The following AKT3 variants were observed in gnomAD, a reference collection of about 807,000 sequenced individuals.
AKT3 encodes the protein RAC-gamma serine/threonine-protein kinase.
In AKT3, 15 loss-of-function variants were observed where a neutral mutation model predicts 65.3. The ratio of observed to expected loss-of-function variants is 0.23; its 90% CI spans 0.15 to 0.35. AKT3 has a LOEUF of 0.35. Among genes scored for constraint, AKT3 ranks in the 10% least tolerant of loss-of-function variants. The pLI, the probability that AKT3 is intolerant of heterozygous loss-of-function variation, is 1.00. For missense variants in AKT3, 243 were observed against 576.5 expected (o/e 0.42, Z 5.92); for synonymous variants, 206 against 183.8 (o/e 1.12, Z -0.98).
At chr1:243,602,641 A>G (rs1206356447) in intron 8 of AKT3, among the ~76,000 whole-genome samples, 1 of 152,194 alleles carries the variant, frequency 6.6e-6, no homozygotes, top group African/African-American at 2.4e-5. Context: ...AAATCTGAAT[A>G]AGCATGAGAA....
intron 13 of AKT3, among the ~76,000 whole-genome samples, chr1:243,510,578 G>A (rs1264862915): frequency 2.6e-5 from 4 of 152,224 alleles, no homozygotes; most frequent in Non-Finnish European, 4.4e-5. Context: ...TAAGATCAGG[G>A]AAGAAGAGCA....
At chr1:243,771,888 A>G (rs1022508009) in intron 2 of AKT3, among the ~76,000 whole-genome samples, 16 of 152,316 alleles carry the variant, frequency 1.1e-4, no homozygotes, top group East Asian at 1.9e-4. Context: ...AATACCACAC[A>G]TCTACAACCA....
intron 2 of AKT3, among the ~76,000 whole-genome samples, chr1:243,832,697 G>A (rs1242677943): frequency 6.6e-6 from 1 of 152,142 alleles, no homozygotes; most frequent in Non-Finnish European, 1.5e-5. Flanking sequence ...CTAGAACTCA[G>A]AAAGTCTTAC....
intron 8 of AKT3, among the ~76,000 whole-genome samples, chr1:243,606,663 A>C (rs1350049501): frequency 6.6e-6 from 1 of 152,262 alleles, no homozygotes; most frequent in Non-Finnish European, 1.5e-5. Flanking sequence ...CCACTGCAAA[A>C]GTTGGCATAA....
At chr1:243,786,201 A>C (rs1469172929) in intron 2 of AKT3, among the ~76,000 whole-genome samples, 4 of 152,228 alleles carry the variant, frequency 2.6e-5, no homozygotes, top group Non-Finnish European at 5.9e-5. Context: ...CTGATCAAAA[A>C]GAGGTATTCA....
intron 12 of AKT3, among the ~76,000 whole-genome samples, chr1:243,528,284 T>A (rs1671292174): frequency 6.6e-6 from 1 of 152,236 alleles, no homozygotes; most frequent in South Asian, 2.1e-4. Context: ...ACATGCTCCC[T>A]TTAGCTACTG....
intron 2 of AKT3, among the ~76,000 whole-genome samples, chr1:243,810,107 TAAA>T (rs572827867): frequency 3.3e-5 from 5 of 151,688 alleles, no homozygotes; most frequent in Non-Finnish European, 7.4e-5. Flanking sequence ...ACATCACAAT[TAAA>T]AGAACTAGAG....
intron 3 of AKT3, among the ~76,000 whole-genome samples, chr1:243,692,276 C>T (rs534121704): frequency 1.3e-5 from 2 of 152,222 alleles, no homozygotes; most frequent in East Asian, 3.9e-4. Flanking sequence ...ATGAGAGATG[C>T]CCATACTATA....
chr1:243,562,341 G>A (rs568597073), intron 10 of AKT3, among the ~76,000 whole-genome samples: 2 of 152,244 alleles, frequency 1.3e-5, no homozygotes, highest in South Asian at 2.1e-4. Flanking sequence ...AGGAGCTAAC[G>A]GGTATGGGGT....
Position 243,503,151 on chromosome 1 carries a change from C to T in AKT3, c.*2098G>A. 1 of 233,436 alleles carries T rather than the reference C, an allele frequency of 4.3e-6. No individual in the cohort carries two copies. Among genetic ancestry groups the T allele is most frequent in the African/African-American group, 2.2e-5 (1 of 45,412 alleles). The allele number at this position is 233,436 out of a possible 1,614,324, so 14.5% of individuals were successfully genotyped here. On this transcript the variant is annotated 3_prime_UTR_variant, in exon 14 of 14. Transcript: ENST00000673466. ...GTAAGTAAGAATGAACTACCATTTACTGTAACTTCCTACTCAATACTAAGG... is the reference window on the plus strand; with the variant it reads ...GTAAGTAAGAATGAACTACCATTTATTGTAACTTCCTACTCAATACTAAGG...
At chr1:243,811,247 G>C (rs1489907016) in intron 2 of AKT3, among the ~76,000 whole-genome samples, 1 of 152,204 alleles carries the variant, frequency 6.6e-6, no homozygotes, top group Non-Finnish European at 1.5e-5. Flanking sequence ...CCTATTTGCA[G>C]ATGACATGAT....
intron 2 of AKT3, among the ~76,000 whole-genome samples, chr1:243,761,570 C>T (rs1205066624): frequency 6.6e-6 from 1 of 152,038 alleles, no homozygotes; most frequent in Non-Finnish European, 1.5e-5. Context: ...AATTTTGACA[C>T]ATGGTACAAA....
intron 12 of AKT3, among the ~76,000 whole-genome samples, chr1:243,533,069 G>A (rs1671653836): frequency 6.6e-6 from 1 of 151,838 alleles, no homozygotes; most frequent in South Asian, 2.1e-4. Context: ...AGTTTTGTCA[G>A]TTTTGCTGAT....
intron 2 of AKT3, among the ~76,000 whole-genome samples, chr1:243,840,495 C>A (rs754653075): frequency 2.0e-5 from 3 of 151,994 alleles, no homozygotes; most frequent in Non-Finnish European, 4.4e-5. Flanking sequence ...CACATGTATC[C>A]CAGAACTTAA....
intron 2 of AKT3, among the ~76,000 whole-genome samples, chr1:243,739,168 G>T (rs1430963645): frequency 6.6e-6 from 1 of 152,100 alleles, no homozygotes; most frequent in African/African-American, 2.4e-5. Flanking sequence ...ACACATACAT[G>T]TAATTTTAAA....
intron 4 of AKT3, among the ~76,000 whole-genome samples, chr1:243,648,711 T>A (rs930002677): frequency 1.3e-5 from 2 of 152,194 alleles, no homozygotes; most frequent in African/African-American, 4.8e-5. Flanking sequence ...GCTTGGAACC[T>A]TTGAGGAAAG....
intron 6 of AKT3, among the ~76,000 whole-genome samples, chr1:243,617,218 A>G (rs1228317941): frequency 6.7e-6 from 1 of 149,186 alleles, no homozygotes; most frequent in African/African-American, 2.5e-5. Flanking sequence ...CACATCAGAG[A>G]CAGGACACTG....
At chr1:243,521,131 G>A (rs1463063025) in intron 12 of AKT3, among the ~76,000 whole-genome samples, 1 of 152,182 alleles carries the variant, frequency 6.6e-6, no homozygotes, top group East Asian at 1.9e-4. Context: ...ATAGACTGGA[G>A]AACTTGAAAC....
chr1:243,639,618 T>C (rs1205733770), intron 5 of AKT3, among the ~76,000 whole-genome samples: 1 of 152,192 alleles, frequency 6.6e-6, no homozygotes, highest in Non-Finnish European at 1.5e-5. Context: ...ACAAATGCCA[T>C]GACATATCGG....
Sources: gnomAD v4.1 joint callset for allele counts (sites outside exome capture counted in the v4.1 genomes callset) on GRCh38, gnomAD v4.1.1 for gene constraint, MANE v1.5 for transcripts, NCBI Gene and HGNC (gene_info 2026-07-23, HGNC 2026-07-21) for gene names.